The following PDGFRL variants were observed in gnomAD, a reference collection of about 807,000 sequenced individuals.
The protein encoded by PDGFRL is platelet-derived growth factor receptor-like protein.
In PDGFRL, 46 loss-of-function variants were observed where a neutral mutation model predicts 37.2. The observed-to-expected ratio is 1.24, with a 90% CI of 0.98 to 1.58. PDGFRL has a LOEUF of 1.58. PDGFRL is among the 40% of genes most tolerant of loss of function. The pLI, the probability that PDGFRL is intolerant of heterozygous loss-of-function variation, is 0.00. For synonymous variants in PDGFRL, 251 were observed against 184.3 expected (o/e 1.36, Z -2.93); for missense variants, 692 against 467.6 (o/e 1.48, Z -4.43).
intron 1 of PDGFRL, among the ~76,000 whole-genome samples, chr8:17,584,755 G>A (rs1167529205): frequency 2.0e-5 from 3 of 150,224 alleles, no homozygotes; most frequent in African/African-American, 4.9e-5. Context: ...AACAGTGGTA[G>A]TGTTACCGGA....
At chr8:17,616,079 G>A (rs1340867221) in intron 2 of PDGFRL, among the ~76,000 whole-genome samples, 1 of 152,204 alleles carries the variant, frequency 6.6e-6, no homozygotes, top group East Asian at 1.9e-4. Context: ...AAGACGAGCT[G>A]TAGCTAAGGA....
chr8:17,625,352 A>G (rs1222094588), intron 3 of PDGFRL, among the ~76,000 whole-genome samples: 3 of 151,946 alleles, frequency 2.0e-5, no homozygotes, highest in Admixed American at 6.5e-5. Context: ...GGGTTTCACC[A>G]TGTTGTCCAG....
intron 1 of PDGFRL, among the ~76,000 whole-genome samples, chr8:17,586,651 A>T (rs1803824119): frequency 6.7e-6 from 1 of 149,890 alleles, no homozygotes; most frequent in Non-Finnish European, 1.5e-5. Flanking sequence ...CCATAAAAAA[A>T]CAAATAGCAC....
intron 1 of PDGFRL, among the ~76,000 whole-genome samples, chr8:17,585,473 G>C (rs1803796368): frequency 6.6e-6 from 1 of 152,166 alleles, no homozygotes; most frequent in East Asian, 1.9e-4. Flanking sequence ...CCTCTCCATA[G>C]TATCGCTTTC....
At chr8:17,594,242 T>C (rs1804004009) in intron 2 of PDGFRL, among the ~76,000 whole-genome samples, 1 of 152,164 alleles carries the variant, frequency 6.6e-6, no homozygotes, top group Non-Finnish European at 1.5e-5. Flanking sequence ...TAAATGTATA[T>C]ATTACATTTT....
In PDGFRL at chr8:17,634,171, C is replaced by T. The variant is rs191200544; in HGVS notation, c.897C>T (p.Pro299=). 1.5e-4 allele frequency: 248 copies of T among 1,613,326 alleles called. No homozygotes were observed. Among genetic ancestry groups the T allele is most frequent in the East Asian group, 2.5e-4 (11 of 44,866 alleles). ...TGCTCTGCACTGTCCTGGGGGAGCC[C>T]GATGTGGAGGTGGAGTTCACCTGGA... is the stretch of plus-strand genomic sequence containing the variant. ...ISVLCTVLGE[P]DVEVEFTWIF... is the part of the protein sequence containing the mutation. Residue 299 remains proline (P), a synonymous_variant, in exon 5 of 6, where the codon CCC becomes CCT. Transcript: ENST00000251630.
chr8:17,634,348 G>T (rs1804925983), intron 5 of PDGFRL, 135 bp downstream of exon 5: 12 of 651,674 alleles, frequency 1.8e-5, no homozygotes, highest in East Asian at 8.3e-5. Flanking sequence ...GTGGGGCTAT[G>T]TTGGGGGCCA....
intron 3 of PDGFRL, among the ~76,000 whole-genome samples, chr8:17,625,452 G>GT (rs11446187): frequency 0.84 from 124,284 of 148,244 alleles, 52,277 homozygotes; most frequent in Middle Eastern, 0.89. Context: ...ACCTGGTCGA[G>GT]TTTTTTTTTT....
chr8:17,636,615 C>T lies in PDGFRL; in HGVS notation c.939+2402C>T, dbSNP rs568135622. ...CTCTGCAGATTCTTTTTTGGTTCCA[C>T]ATGAATTTTAGGATTGTTTTTTCTA... On this transcript the variant is annotated intron_variant, in intron 5 of 5. Transcript: ENST00000251630. Among the ~76,000 whole-genome samples the T allele has an allele frequency of 2.3e-4, 34 of 151,080 alleles. No individual in the cohort carries two copies. The South Asian group carries it at 5.2e-3, about 23-fold the overall frequency.
At chr8:17,584,907 C>T (rs1235704034) in intron 1 of PDGFRL, among the ~76,000 whole-genome samples, 1 of 152,066 alleles carries the variant, frequency 6.6e-6, no homozygotes, top group African/African-American at 2.4e-5. Context: ...ATAGGCAGAG[C>T]AGCGGCATGG....
At chr8:17,594,827 C>T (rs903334627) in intron 2 of PDGFRL, among the ~76,000 whole-genome samples, 32 of 152,322 alleles carry the variant, frequency 2.1e-4, no homozygotes, top group African/African-American at 7.5e-4. Context: ...AGGCGTGAGC[C>T]ACTGTGCCTG....
chr8:17,577,389 G>C (rs956030646), intron 1 of PDGFRL, 82 bp downstream of exon 1: 6 of 1,211,074 alleles, frequency 5.0e-6, no homozygotes, highest in Non-Finnish European at 7.2e-6. Context: ...CCTCCTGCCA[G>C]CTCTTGGTCT....
chr8:17,603,426 G>A (rs996432948), intron 2 of PDGFRL, among the ~76,000 whole-genome samples: 2 of 152,080 alleles, frequency 1.3e-5, no homozygotes, highest in African/African-American at 4.8e-5. Flanking sequence ...TGATCCCTTC[G>A]AGGCTAATAT....
chr8:17,636,343 A>T (rs1055314320), intron 5 of PDGFRL, among the ~76,000 whole-genome samples: 3 of 152,140 alleles, frequency 2.0e-5, no homozygotes, highest in African/African-American at 7.2e-5. Flanking sequence ...TTGGCTTGCC[A>T]ATTATCCCAG....
intron 2 of PDGFRL, among the ~76,000 whole-genome samples, chr8:17,611,184 T>G (rs1282772240): frequency 1.3e-5 from 2 of 152,238 alleles, no homozygotes. Context: ...AGTTCATCTC[T>G]GTAAAGTGAG....
intron 3 of PDGFRL, among the ~76,000 whole-genome samples, chr8:17,626,526 A>G (rs890596936): frequency 6.6e-6 from 1 of 152,140 alleles, no homozygotes; most frequent in Non-Finnish European, 1.5e-5. Context: ...TCTGCCCCCA[A>G]CCTAAAACAC....
intron 4 of PDGFRL, among the ~76,000 whole-genome samples, chr8:17,629,763 A>G (rs892379068): frequency 1.3e-5 from 2 of 152,112 alleles, no homozygotes; most frequent in Admixed American, 6.5e-5. Context: ...GAACATGTCA[A>G]CCACAACCAC....
chr8:17,613,143 A>C (rs1429082064), intron 2 of PDGFRL, among the ~76,000 whole-genome samples: 3 of 152,260 alleles, frequency 2.0e-5, no homozygotes, highest in Admixed American at 6.5e-5. Context: ...TGCGGTAGCT[A>C]ACATCTAGGT....
At chr8:17,580,958 C>CCTGT (rs556198561) in intron 1 of PDGFRL, among the ~76,000 whole-genome samples, 2 of 148,544 alleles carry the variant, frequency 1.3e-5, no homozygotes, top group African/African-American at 4.9e-5. Context: ...CATTTTCATA[C>CCTGT]GTGTGTGTGT....
Sources: allele counts gnomAD v4.1 joint callset (sites outside exome capture counted in the v4.1 genomes callset), GRCh38; gene constraint gnomAD v4.1.1; transcripts MANE v1.5; gene names NCBI Gene and HGNC (gene_info 2026-07-23, HGNC 2026-07-21).